Variants in DDR2 observed in about 807,000 individuals in gnomAD.
The protein encoded by DDR2 is discoidin domain-containing receptor 2.
A neutral mutation model predicts 94.9 loss-of-function variants in DDR2; 27 were observed. The observed-to-expected ratio is 0.28, with a 90% CI of 0.21 to 0.39. The LOEUF is 0.39. Ranked by LOEUF, DDR2 falls within the 10% of genes least tolerant of loss-of-function variation. The pLI is 1.00. For synonymous variants in DDR2, 382 were observed against 377.2 expected (o/e 1.01, Z -0.15); for missense variants, 783 against 1,076.0 (o/e 0.73, Z 3.81).
At chr1:162,741,743 G>A in intron 3 of DDR2, 1 of 985,344 alleles carries the variant, frequency 1.0e-6, no homozygotes. Flanking sequence ...TTAGTAGCTG[G>A]GCTTGGGTCC....
At chr1:162,637,578 A>C (rs1656888763) in intron 1 of DDR2, among the ~76,000 whole-genome samples, 1 of 152,128 alleles carries the variant, frequency 6.6e-6, no homozygotes, top group South Asian at 2.1e-4. Context: ...CAAAATAATA[A>C]ATAAATTTAT....
chr1:162,635,079 C>T (rs981842796), intron 1 of DDR2, among the ~76,000 whole-genome samples: 1 of 152,138 alleles, frequency 6.6e-6, no homozygotes, highest in African/African-American at 2.4e-5. Context: ...TAAGGTGTTT[C>T]CGGAATGCCT....
At chr1:162,721,192 G>A (rs895005566) in intron 3 of DDR2, among the ~76,000 whole-genome samples, 2 of 152,160 alleles carry the variant, frequency 1.3e-5, no homozygotes, top group Non-Finnish European at 2.9e-5. Flanking sequence ...ATGGAGACTG[G>A]CATGCCACGA....
chr1:162,689,749 A>C (rs555264342), intron 2 of DDR2, among the ~76,000 whole-genome samples: 1 of 149,288 alleles, frequency 6.7e-6, no homozygotes, highest in East Asian at 2.0e-4. Context: ...CACGCCTGTA[A>C]TCCCAGCACT....
chr1:162,758,554 A>G (rs975031773), intron 7 of DDR2, among the ~76,000 whole-genome samples: 2 of 152,202 alleles, frequency 1.3e-5, no homozygotes, highest in Non-Finnish European at 2.9e-5. Context: ...TATTGCAAGT[A>G]AACTTACGTT....
At chr1:162,684,283 C>A (rs1205641138) in intron 2 of DDR2, among the ~76,000 whole-genome samples, 1 of 152,094 alleles carries the variant, frequency 6.6e-6, no homozygotes, top group Non-Finnish European at 1.5e-5. Flanking sequence ...TCCTTCCAAG[C>A]CTCTATTTGA....
At chr1:162,716,673 C>CA (rs1661182186) in intron 2 of DDR2, among the ~76,000 whole-genome samples, 2 of 151,944 alleles carry the variant, frequency 1.3e-5, no homozygotes, top group East Asian at 3.9e-4. Flanking sequence ...GCTTTGGATC[C>CA]ATCCTCTTCA....
At chr1:162,707,737 C>A (rs1228028315) in intron 2 of DDR2, among the ~76,000 whole-genome samples, 1 of 152,212 alleles carries the variant, frequency 6.6e-6, no homozygotes, top group Non-Finnish European at 1.5e-5. Flanking sequence ...ACGATTGCCA[C>A]CTCGACTGCT....
chr1:162,757,390 A>T (rs1030289677), intron 7 of DDR2, among the ~76,000 whole-genome samples: 1 of 152,198 alleles, frequency 6.6e-6, no homozygotes, highest in Non-Finnish European at 1.5e-5. Flanking sequence ...GGCAGAGGGA[A>T]TAATAGCATG....
upstream of DDR2, chr1:162,631,463 T>C (rs1393401434): frequency 6.6e-6 from 1 of 152,204 alleles, no homozygotes; most frequent in Non-Finnish European, 1.5e-5. Context: ...CTCGGTCTTC[T>C]TGACCTGCCT....
intron 2 of DDR2, among the ~76,000 whole-genome samples, chr1:162,703,500 CA>C (rs1660522592): frequency 6.6e-6 from 1 of 152,094 alleles, no homozygotes; most frequent in Non-Finnish European, 1.5e-5. Context: ...CCCTGTGTGG[CA>C]AATAGGACAC....
At chr1:162,746,263 C>T (rs1647058677) in intron 3 of DDR2, among the ~76,000 whole-genome samples, 1 of 152,206 alleles carries the variant, frequency 6.6e-6, no homozygotes, top group Non-Finnish European at 1.5e-5. Context: ...TCGGGACACT[C>T]CCAGCCTAAT....
At chr1:162,727,109 CAT>C (rs553361397) in intron 3 of DDR2, among the ~76,000 whole-genome samples, 780 of 138,312 alleles carry the variant, frequency 5.6e-3, no homozygotes, top group African/African-American at 0.019. Context: ...AAAATATAAA[CAT>C]ATATTTATAT....
chr1:162,768,850 G>A (rs979123069), intron 11 of DDR2, among the ~76,000 whole-genome samples: 7 of 152,170 alleles, frequency 4.6e-5, no homozygotes, highest in Non-Finnish European at 7.3e-5. Context: ...AGACTCACTC[G>A]CTGTCACGAG....
intron 2 of DDR2, among the ~76,000 whole-genome samples, chr1:162,666,360 A>G (rs1658565669): frequency 6.6e-6 from 1 of 152,250 alleles, no homozygotes; most frequent in East Asian, 1.9e-4. Context: ...AACACACGGT[A>G]GACATTCAGT....
intron 1 of DDR2, among the ~76,000 whole-genome samples, chr1:162,653,852 C>T (rs1435130659): frequency 6.6e-6 from 1 of 152,144 alleles, no homozygotes; most frequent in Non-Finnish European, 1.5e-5. Flanking sequence ...AAACTAGAAG[C>T]CGGAGGAAAG....
chr1:162,689,861 A>AAAG (rs1218812067), intron 2 of DDR2, among the ~76,000 whole-genome samples: 8 of 143,790 alleles, frequency 5.6e-5, no homozygotes, highest in African/African-American at 2.0e-4. Context: ...AAAAAAAAAA[A>AAAG]AAAAAATAGC....
intron 2 of DDR2, among the ~76,000 whole-genome samples, chr1:162,664,730 T>C (rs1038362970): frequency 6.6e-6 from 1 of 152,184 alleles, no homozygotes; most frequent in Admixed American, 6.5e-5. Flanking sequence ...CCTTATGCAA[T>C]TGAAAAGTCA....
At chr1:162,749,570 C>A (rs985249579) in intron 3 of DDR2, among the ~76,000 whole-genome samples, 1 of 152,152 alleles carries the variant, frequency 6.6e-6, no homozygotes, top group Non-Finnish European at 1.5e-5. Flanking sequence ...TGAATTCTAC[C>A]AGAGGTACAA....
Sources: gnomAD v4.1 joint callset for allele counts (sites outside exome capture counted in the v4.1 genomes callset) on GRCh38, gnomAD v4.1.1 for gene constraint, MANE v1.5 for transcripts, NCBI Gene and HGNC (gene_info 2026-07-23, HGNC 2026-07-21) for gene names.